PCDHGA2: variants seen among roughly 807,000 people sequenced by gnomAD.
PCDHGA2 encodes protocadherin gamma subfamily A, 2.
In PCDHGA2, 40 loss-of-function variants were observed where a neutral mutation model predicts 59.2. That is an observed-to-expected ratio of 0.68 (90% CI 0.52 to 0.88). PCDHGA2 has a LOEUF of 0.88. Among genes scored for constraint, PCDHGA2 ranks in the 40% least tolerant of loss-of-function variants. PCDHGA2 has a pLI of 0.00. For synonymous variants in PCDHGA2, 560 were observed against 526.0 expected (o/e 1.06, Z -0.89); for missense variants, 1,226 against 1,204.0 (o/e 1.02, Z -0.27).
chr5:141,492,503 A>G (rs1341352458), intron 1 of PCDHGA2, among the ~76,000 whole-genome samples: 1 of 151,188 alleles, frequency 6.6e-6, no homozygotes, highest in Non-Finnish European at 1.5e-5. Context: ...AGGACTCCGG[A>G]GCCTCCTCTC....
rs544565104 is a variant in PCDHGA2, at chr5:141,489,014, G to A, written c.2425-5793G>A. 2.5e-5 allele frequency: 11 copies of A among 433,976 alleles called. No individual in the cohort carries two copies. The highest frequency in any genetic ancestry group is 1.6e-4 in the Admixed American group (4 of 25,754). The allele number at this position is 433,976 out of a possible 1,614,324, so 26.9% of individuals were successfully genotyped here. On this transcript the variant is annotated intron_variant, in intron 1 of 3. Coordinates refer to ENST00000394576, the MANE Select transcript of PCDHGA2 (RefSeq NM_018915.4). This position sits in a 1 kb window ranked among gnomAD's most constrained non-coding sequence, Gnocchi z 4.5. ...GGTGGGAGATCTGCTCTTCCAGCCC[G>A]CCTCTCCTCCTCCAGCTCCCCAGCT... is the stretch of plus-strand genomic sequence containing the variant.
chr5:141,411,766 C>A (rs796623075), intron 1 of PCDHGA2: 1 of 152,454 alleles, frequency 6.6e-6, no homozygotes, highest in South Asian at 2.1e-4. Context: ...CCTGTGGTCT[C>A]AGCTACTCTG....
At chr5:141,471,506 G>A (rs2099258630) in intron 1 of PCDHGA2, 1 of 152,214 alleles carries the variant, frequency 6.6e-6, no homozygotes, top group South Asian at 2.1e-4. Flanking sequence ...GCAAGAGAGG[G>A]AGTAAAAATA....
chr5:141,403,517 G>A, intron 1 of PCDHGA2: 1 of 1,614,030 alleles, frequency 6.2e-7, no homozygotes, highest in Non-Finnish European at 8.5e-7. Context: ...AGACAATGGA[G>A]CCATAAACCC....
intron 1 of PCDHGA2, chr5:141,365,016 G>T: frequency 5.0e-6 from 8 of 1,613,880 alleles, no homozygotes; most frequent in Non-Finnish European, 6.8e-6. Context: ...ACGCACATCC[G>T]TGTTACGGTC....
chr5:141,356,407 C>T, intron 1 of PCDHGA2: 2 of 1,592,640 alleles, frequency 1.3e-6, no homozygotes, highest in Admixed American at 1.8e-5. Flanking sequence ...AAATTATTAT[C>T]GGTTGTTGAC....
chr5:141,363,843 T>C (rs771270646), intron 1 of PCDHGA2, among the ~76,000 whole-genome samples: 2 of 152,188 alleles, frequency 1.3e-5, no homozygotes, highest in African/African-American at 2.4e-5. Context: ...TGTCCTAATT[T>C]AATGGACTAA....
intron 1 of PCDHGA2, among the ~76,000 whole-genome samples, chr5:141,457,620 A>G (rs2098925834): frequency 6.6e-6 from 1 of 152,234 alleles, no homozygotes; most frequent in Admixed American, 6.5e-5. Flanking sequence ...ATGAACTTTA[A>G]TCTTATACTT....
At chr5:141,366,265 C>T (rs756734800) in intron 1 of PCDHGA2, 2 of 1,613,684 alleles carry the variant, frequency 1.2e-6, no homozygotes, top group Non-Finnish European at 1.7e-6. Context: ...TCGTGGTGGC[C>T]GTCGAAGACC....
chr5:141,489,253 A>T lies in PCDHGA2; in HGVS notation c.2425-5554A>T. 1 of 1,547,506 alleles carries T rather than the reference A, an allele frequency of 6.5e-7. No individual in the cohort carries two copies. The highest frequency in any genetic ancestry group is 2.3e-5 in the East Asian group (1 of 44,418). ...GGACTTCTGGGTCATGGGGCCCAAG[A>T]CACTCCCACAGCTCGCTGGGAAATG... On this transcript the variant is annotated intron_variant, in intron 1 of 3. Coordinates refer to ENST00000394576, the MANE Select transcript of PCDHGA2 (RefSeq NM_018915.4). This position sits in a 1 kb window ranked among gnomAD's most constrained non-coding sequence, Gnocchi z 4.5.
In PCDHGA2 at chr5:141,356,633, A is replaced by T. The variant is rs778939547; in HGVS notation, c.2424+15238A>T. 26 of 1,613,986 alleles carry T rather than the reference A, an allele frequency of 1.6e-5. No individual in the cohort carries two copies. The South Asian group carries it at 2.7e-4, about 17-fold the overall frequency. ...TCCATCTTATCTATGACTGCTCAAGACCCTGACAGTGGTGACAATGCCCGA... is the reference window on the plus strand; with the variant it reads ...TCCATCTTATCTATGACTGCTCAAGTCCCTGACAGTGGTGACAATGCCCGA... On this transcript the variant is annotated intron_variant, in intron 1 of 3. Transcript: ENST00000394576.
intron 1 of PCDHGA2, among the ~76,000 whole-genome samples, chr5:141,353,542 T>C (rs1272811023): frequency 6.6e-6 from 1 of 152,226 alleles, no homozygotes; most frequent in African/African-American, 2.4e-5. Flanking sequence ...ATCACTAACT[T>C]TGAGTCAATA....
intron 1 of PCDHGA2, among the ~76,000 whole-genome samples, chr5:141,386,755 G>A (rs72790029): frequency 0.064 from 9,806 of 152,198 alleles, 370 homozygotes; most frequent in African/African-American, 0.1. Context: ...GCAGAACTAC[G>A]GTTATAAGGT....
intron 1 of PCDHGA2, chr5:141,419,888 G>A: frequency 6.2e-7 from 1 of 1,614,056 alleles, no homozygotes; most frequent in Non-Finnish European, 8.5e-7. Context: ...GGATTTCAGC[G>A]ACCATCCCAC....
intron 1 of PCDHGA2, chr5:141,375,397 C>T: frequency 6.2e-7 from 1 of 1,614,010 alleles, no homozygotes; most frequent in Non-Finnish European, 8.5e-7. Flanking sequence ...AAACAATCAT[C>T]TCTCTAAATG....
chr5:141,389,405 G>A (rs758428464), intron 1 of PCDHGA2: 16 of 1,613,614 alleles, frequency 9.9e-6, no homozygotes. Flanking sequence ...CCATAAGCGC[G>A]GAGAGCGGGG....
At chr5:141,351,742 G>A (rs772414660) in intron 1 of PCDHGA2, 14 of 1,613,558 alleles carry the variant, frequency 8.7e-6, no homozygotes, top group Admixed American at 5.0e-5. Flanking sequence ...ACCTGGAGCC[G>A]CGGGAGCTGT....
intron 1 of PCDHGA2, chr5:141,361,291 G>A: frequency 6.2e-7 from 1 of 1,614,040 alleles, no homozygotes; most frequent in Non-Finnish European, 8.5e-7. Flanking sequence ...TTACTGCCAA[G>A]TGTTGGGAAA....
chr5:141,419,943 C>G (rs2096450865), intron 1 of PCDHGA2: 4 of 1,614,070 alleles, frequency 2.5e-6, no homozygotes, highest in Non-Finnish European at 3.4e-6. Flanking sequence ...CTGGTGGTGG[C>G]CTTGGCCTTG....
Sources: gnomAD v4.1 joint callset for allele counts (sites outside exome capture counted in the v4.1 genomes callset) on GRCh38, gnomAD v4.1.1 for gene constraint, Gnocchi (gnomAD v3.1) non-coding constraint, MANE v1.5 for transcripts, NCBI Gene and HGNC (gene_info 2026-07-23, HGNC 2026-07-21) for gene names.